The following FGGY variants were observed in gnomAD, a reference collection of about 807,000 sequenced individuals.
FGGY encodes the protein FGGY carbohydrate kinase domain containing, also known as FGGY carbohydrate kinase domain-containing protein.
Under a neutral mutation model 71.3 loss-of-function variants are expected in FGGY, and 72 were observed. The observed-to-expected ratio is 1.01, with a 90% CI of 0.84 to 1.23. FGGY has a LOEUF of 1.23. FGGY is among the 50% of genes most tolerant of loss of function. FGGY has a pLI of 0.00. For missense variants in FGGY, 668 were observed against 682.3 expected (o/e 0.98, Z 0.23); for synonymous variants, 251 against 250.3 (o/e 1.00, Z -0.02).
intron 5 of FGGY, among the ~76,000 whole-genome samples, chr1:59,405,270 C>T (rs537958315): frequency 1.8e-4 from 28 of 152,274 alleles, no homozygotes; most frequent in African/African-American, 6.5e-4. Context: ...TTGTTAATGG[C>T]ATAAGAAATG....
chr1:59,445,066 A>G (rs2070905055), intron 5 of FGGY, among the ~76,000 whole-genome samples: 1 of 152,148 alleles, frequency 6.6e-6, no homozygotes, highest in Non-Finnish European at 1.5e-5. Context: ...ACTAGACTCT[A>G]AGCTCCACGA....
chr1:59,640,473 A>G (rs1228184109), intron 11 of FGGY, among the ~76,000 whole-genome samples: 1 of 152,222 alleles, frequency 6.6e-6, no homozygotes. Flanking sequence ...GTAAGATGCA[A>G]CAATACCTAC....
rs1000347360 is a variant in FGGY, at chr1:59,544,080, G to A, written c.800-10044G>A. On this transcript the variant is annotated intron_variant, in intron 7 of 15. Coordinates refer to ENST00000303721, the MANE Select transcript of FGGY (RefSeq NM_018291.5). ...CCTTGGGTCCTGGACCTTAAATAGA[G>A]TGTAGACGAGGAGAGTTATCTTTTC... Among the ~76,000 whole-genome samples the A allele has an allele frequency of 4.6e-5, 7 of 152,300 alleles. No homozygotes were observed. In the East Asian group the frequency reaches 7.7e-4, roughly 17 times the overall value.
intron 8 of FGGY, among the ~76,000 whole-genome samples, chr1:59,571,395 C>G (rs1213362617): frequency 6.6e-6 from 1 of 152,126 alleles, no homozygotes; most frequent in East Asian, 1.9e-4. Flanking sequence ...CTAGACTGTA[C>G]AGTGTAGTGG....
intron 4 of FGGY, among the ~76,000 whole-genome samples, chr1:59,349,240 C>T (rs1327822971): frequency 6.6e-6 from 1 of 152,186 alleles, no homozygotes; most frequent in East Asian, 1.9e-4. Context: ...CTCTGTGAAG[C>T]ATGGCTCTTG....
At chr1:59,415,332 G>A (rs61789969) in intron 5 of FGGY, among the ~76,000 whole-genome samples, 26,142 of 152,198 alleles carry the variant, frequency 0.17, 2,753 homozygotes, top group East Asian at 0.36. Context: ...TTCACAACAA[G>A]TGTTGATTTT....
chr1:59,547,511 A>C (rs1360695472), intron 7 of FGGY, among the ~76,000 whole-genome samples: 1 of 152,142 alleles, frequency 6.6e-6, no homozygotes, highest in African/African-American at 2.4e-5. Flanking sequence ...GGTCCCCCAC[A>C]ATTTAGTAGT....
intron 14 of FGGY, among the ~76,000 whole-genome samples, chr1:59,690,330 A>T (rs939476097): frequency 6.6e-6 from 1 of 152,124 alleles, no homozygotes; most frequent in African/African-American, 2.4e-5. Context: ...TGAGATCCTG[A>T]TATTAGTTGT....
intron 2 of FGGY, among the ~76,000 whole-genome samples, chr1:59,323,552 G>C (rs1329609511): frequency 2.0e-5 from 3 of 152,210 alleles, no homozygotes; most frequent in Non-Finnish European, 4.4e-5. Flanking sequence ...TTTTATGTTA[G>C]AGAGATAATA....
At chr1:59,454,368 G>A (rs2091478753) in intron 5 of FGGY, among the ~76,000 whole-genome samples, 1 of 152,130 alleles carries the variant, frequency 6.6e-6, no homozygotes, top group Non-Finnish European at 1.5e-5. Flanking sequence ...TTAGCATATT[G>A]TATACTCTTC....
chr1:59,448,082 G>GT (rs796145771), intron 5 of FGGY, among the ~76,000 whole-genome samples: 1 of 152,020 alleles, frequency 6.6e-6, no homozygotes. Flanking sequence ...TTGCTTCTGG[G>GT]TTTTTCCTGC....
chr1:59,413,046 T>C (rs769228473), intron 5 of FGGY, among the ~76,000 whole-genome samples: 5 of 152,204 alleles, frequency 3.3e-5, no homozygotes, highest in Admixed American at 6.5e-5. Flanking sequence ...TCCCATGCAT[T>C]TGCACAGATT....
At chr1:59,460,266 G>A (rs1023476211) in intron 6 of FGGY, among the ~76,000 whole-genome samples, 15 of 152,176 alleles carry the variant, frequency 9.9e-5, no homozygotes, top group South Asian at 4.1e-4. Flanking sequence ...CTGGCTCGGC[G>A]GGTCCCATGC....
At chr1:59,356,148 C>T (rs917590830) in intron 4 of FGGY, among the ~76,000 whole-genome samples, 1 of 152,160 alleles carries the variant, frequency 6.6e-6, no homozygotes, top group African/African-American at 2.4e-5. Flanking sequence ...GCCTGCTACA[C>T]TCATTTCCTT....
chr1:59,634,735 G>A (rs1444929720), intron 10 of FGGY, among the ~76,000 whole-genome samples: 1 of 152,110 alleles, frequency 6.6e-6, no homozygotes, highest in African/African-American at 2.4e-5. Flanking sequence ...TGGCAAAGAA[G>A]AGGAAACTAT....
intron 14 of FGGY, among the ~76,000 whole-genome samples, chr1:59,728,551 CTTTT>C (rs1276346516): frequency 2.0e-5 from 3 of 151,842 alleles, no homozygotes; most frequent in Non-Finnish European, 4.4e-5. Context: ...CTCTGAATAA[CTTTT>C]TTTCAACATT....
intron 8 of FGGY, among the ~76,000 whole-genome samples, chr1:59,568,578 T>C (rs1187602510): frequency 6.6e-6 from 1 of 152,074 alleles, no homozygotes. Context: ...CCAAAAAGTA[T>C]GGAGACAACA....
At chr1:59,342,405 T>C (rs768815364) in intron 3 of FGGY, among the ~76,000 whole-genome samples, 14 of 152,178 alleles carry the variant, frequency 9.2e-5, no homozygotes, top group Non-Finnish European at 1.5e-4. Flanking sequence ...TTTTCTTTCA[T>C]TGTAGGTAGA....
intron 1 of FGGY, among the ~76,000 whole-genome samples, chr1:59,302,512 G>A (rs2042921075): frequency 6.6e-6 from 1 of 152,114 alleles, no homozygotes; most frequent in African/African-American, 2.4e-5. Flanking sequence ...CTTTACAGCA[G>A]CATGGATGGA....
Sources: gnomAD v4.1 joint callset for allele counts (sites outside exome capture counted in the v4.1 genomes callset) on GRCh38, gnomAD v4.1.1 for gene constraint, MANE v1.5 for transcripts, NCBI Gene and HGNC (gene_info 2026-07-23, HGNC 2026-07-21) for gene names.